The following IMMP2L variants were observed in gnomAD, a reference collection of about 807,000 sequenced individuals.
IMMP2L encodes inner mitochondrial membrane peptidase subunit 2, also known as mitochondrial inner membrane protease subunit 2.
A neutral mutation model predicts 19.3 loss-of-function variants in IMMP2L; 18 were observed. The ratio of observed to expected loss-of-function variants is 0.93; its 90% CI spans 0.64 to 1.38. The LOEUF is 1.38. Among genes scored for constraint, IMMP2L ranks in the 40% most tolerant of loss-of-function variants. The pLI, the probability that IMMP2L is intolerant of heterozygous loss-of-function variation, is 0.00. For synonymous variants in IMMP2L, 76 were observed against 73.0 expected, an observed-to-expected ratio of 1.04 and a Z score of -0.21; for missense variants, 233 against 218.2, an observed-to-expected ratio of 1.07 and a Z score of -0.43.
chr7:111,125,536 A>C (rs1801202049), intron 3 of IMMP2L: 1 of 164,126 alleles, frequency 6.1e-6, no homozygotes. Flanking sequence ...GCTAAGAGTA[A>C]GACACTTTTC....
At chr7:111,044,843 A>C in intron 3 of IMMP2L, among the ~76,000 whole-genome samples, 1 of 152,300 alleles carries the variant, frequency 6.6e-6, no homozygotes, top group Admixed American at 6.5e-5. Flanking sequence ...TTACATATAT[A>C]GACAGTGGGT....
At chr7:111,344,971 T>C (rs1170311464) in intron 3 of IMMP2L, among the ~76,000 whole-genome samples, 2 of 152,010 alleles carry the variant, frequency 1.3e-5, no homozygotes, top group Non-Finnish European at 1.5e-5. Flanking sequence ...CAAAACAACA[T>C]TTAAGTCCCA....
chr7:111,405,449 C>G (rs113628141), intron 3 of IMMP2L, among the ~76,000 whole-genome samples: 3,155 of 152,094 alleles, frequency 0.021, 113 homozygotes, highest in African/African-American at 0.072. Context: ...ACACTCAAAT[C>G]TCTAAAAAGT....
At chr7:111,462,715 T>A (rs1840246681) in intron 3 of IMMP2L, among the ~76,000 whole-genome samples, 2 of 152,026 alleles carry the variant, frequency 1.3e-5, no homozygotes, top group Admixed American at 1.3e-4. Flanking sequence ...TAAAACCCTA[T>A]CATGTCCACC....
intron 5 of IMMP2L, among the ~76,000 whole-genome samples, chr7:110,746,754 T>A (rs1797370221): frequency 6.6e-6 from 1 of 152,014 alleles, no homozygotes; most frequent in African/African-American, 2.4e-5. Context: ...TGTAAAGCAG[T>A]GTGTAGAGGG....
At chr7:110,972,268 T>C (rs2129556737) in intron 3 of IMMP2L, among the ~76,000 whole-genome samples, 1 of 152,222 alleles carries the variant, frequency 6.6e-6, no homozygotes, top group East Asian at 1.9e-4. Flanking sequence ...TGACAGCCAC[T>C]CATTCAGCTA....
chr7:111,176,813 A>G (rs1370279094), intron 3 of IMMP2L, among the ~76,000 whole-genome samples: 4 of 152,144 alleles, frequency 2.6e-5, no homozygotes, highest in Middle Eastern at 3.4e-3. Flanking sequence ...CAAAAAATAA[A>G]TGGTGCACAG....
intron 3 of IMMP2L, among the ~76,000 whole-genome samples, chr7:111,381,491 T>A (rs1831198911): frequency 6.6e-6 from 1 of 152,032 alleles, no homozygotes; most frequent in Admixed American, 6.6e-5. Flanking sequence ...TATTTTTAAA[T>A]GTAGCCACTA....
chr7:110,687,507 C>A (rs1488708126), intron 5 of IMMP2L, among the ~76,000 whole-genome samples: 1 of 151,934 alleles, frequency 6.6e-6, no homozygotes, highest in Non-Finnish European at 1.5e-5. Flanking sequence ...TAATGACATT[C>A]CCTTAGACAA....
intron 3 of IMMP2L, among the ~76,000 whole-genome samples, chr7:111,404,288 A>G (rs1352523129): frequency 6.6e-6 from 1 of 152,156 alleles, no homozygotes; most frequent in Non-Finnish European, 1.5e-5. Context: ...CAGGGGCATT[A>G]CTGAGAGTCT....
Position 111,027,372 on chromosome 7 carries a change from T to G in IMMP2L, c.240-63807A>C, listed in dbSNP as rs537555971. On this transcript the variant is annotated intron_variant, in intron 3 of 5. Transcript: ENST00000405709. ...ATATATTTTACAAAATACATCACAA[T>G]TATTTGTTCTTTGAATATCTAAAAA... Among the ~76,000 whole-genome samples the G allele has an allele frequency of 2.6e-4, 39 of 152,252 alleles. No individual in the cohort carries two copies. In the South Asian group the frequency reaches 7.9e-3, roughly 31 times the overall value.
At chr7:111,170,953 T>C (rs759083449) in intron 3 of IMMP2L, among the ~76,000 whole-genome samples, 5 of 151,796 alleles carry the variant, frequency 3.3e-5, no homozygotes, top group East Asian at 1.9e-4. Flanking sequence ...TATGTGATCA[T>C]AGTATATAAG....
chr7:110,757,269 GA>G lies in IMMP2L; in HGVS notation c.409-93549del, dbSNP rs1798090435. On this transcript the variant is annotated intron_variant, in intron 5 of 5. Coordinates refer to ENST00000405709, the MANE Select transcript of IMMP2L (RefSeq NM_032549.4). This position sits in a 1 kb window ranked among gnomAD's most constrained non-coding sequence, Gnocchi z 4.2. ...GGAGTCACTGAGGGAACCACATCCAGAAGGGCTTCGTATTTGGTTTAATACT... is the reference window on the plus strand; with the variant it reads ...GGAGTCACTGAGGGAACCACATCCAGAGGGCTTCGTATTTGGTTTAATACT... Among the ~76,000 whole-genome samples, 1 of 151,896 alleles carries G rather than the reference GA, an allele frequency of 6.6e-6. No homozygotes were observed. Among genetic ancestry groups the G allele is most frequent in the African/African-American group, 2.4e-5 (1 of 41,364 alleles).
At chr7:111,308,345 A>G (rs1317134370) in intron 3 of IMMP2L, among the ~76,000 whole-genome samples, 1 of 152,016 alleles carries the variant, frequency 6.6e-6, no homozygotes, top group Non-Finnish European at 1.5e-5. Flanking sequence ...AGAAAAATAC[A>G]AAAGAAAAGG....
chr7:111,255,763 C>T (rs1215664176), intron 3 of IMMP2L, among the ~76,000 whole-genome samples: 1 of 152,034 alleles, frequency 6.6e-6, no homozygotes, highest in Non-Finnish European at 1.5e-5. Flanking sequence ...CTTTAGTTAA[C>T]ACAAGCTTTC....
At chr7:110,718,942 G>C (rs1795399089) in intron 5 of IMMP2L, among the ~76,000 whole-genome samples, 1 of 152,120 alleles carries the variant, frequency 6.6e-6, no homozygotes, top group Admixed American at 6.5e-5. Context: ...AGCTGCAAAT[G>C]ACTAGATCAA....
In IMMP2L at chr7:111,161,644, G is replaced by A. The variant is rs1259652046; in HGVS notation, c.240-198079C>T. On this transcript the variant is annotated intron_variant, in intron 3 of 5. Coordinates refer to ENST00000405709, the MANE Select transcript of IMMP2L (RefSeq NM_032549.4). The stretch of plus-strand genomic sequence containing the variant: ...CATGGTATATTCAAATTTCACAAAT[G>A]CTTCAGAGCACATTCCTCAAAATTC... Among the ~76,000 whole-genome samples, 3 of 151,996 alleles carry A rather than the reference G, an allele frequency of 2.0e-5. No homozygotes were observed. The East Asian group carries it at 5.8e-4, about 29-fold the overall frequency.
chr7:111,310,663 T>A (rs1218569753), intron 3 of IMMP2L, among the ~76,000 whole-genome samples: 1 of 152,184 alleles, frequency 6.6e-6, no homozygotes, highest in Non-Finnish European at 1.5e-5. Flanking sequence ...CTCCAATATG[T>A]ACTACATTAT....
intron 3 of IMMP2L, among the ~76,000 whole-genome samples, chr7:111,218,464 T>C (rs1365390422): frequency 6.6e-6 from 1 of 151,686 alleles, no homozygotes; most frequent in African/African-American, 2.4e-5. Context: ...ATCAGTTTTT[T>C]TTTTCCCATT....
Sources: gnomAD v4.1 joint callset for allele counts (sites outside exome capture counted in the v4.1 genomes callset) on GRCh38, gnomAD v4.1.1 for gene constraint, Gnocchi (gnomAD v3.1) non-coding constraint, MANE v1.5 for transcripts, NCBI Gene and HGNC (gene_info 2026-07-23, HGNC 2026-07-21) for gene names.